NECAB2: variants seen among roughly 807,000 people sequenced by gnomAD.
NECAB2 encodes the protein N-terminal EF-hand calcium binding protein 2.
Under a neutral mutation model 51.9 loss-of-function variants are expected in NECAB2, and 68 were observed. The ratio of observed to expected loss-of-function variants is 1.31; its 90% confidence interval spans 1.08 to 1.60. The LOEUF (loss-of-function observed/expected upper bound fraction) is 1.60, where lower values mean the gene tolerates loss of function less well. Ranked by LOEUF, NECAB2 falls within the 40% of genes most tolerant of loss-of-function variation. The pLI is 0.00. For synonymous variants in NECAB2, 329 were observed against 203.5 expected (o/e 1.62, Z -5.25); for missense variants, 854 against 490.3 (o/e 1.74, Z -7.00).
chr16:83,985,545 A>G lies in NECAB2; in HGVS notation c.459+4418A>G, dbSNP rs539604548. ...CTACTTGGGAGAGTGAGGCAGGAGAATGACTTGAACCCGGGAGGTGGAGGT... is the reference window on the plus strand; with the variant it reads ...CTACTTGGGAGAGTGAGGCAGGAGAGTGACTTGAACCCGGGAGGTGGAGGT... On this transcript the variant is annotated intron_variant, in intron 5 of 12. Coordinates refer to ENST00000305202, the MANE Select transcript of NECAB2 (RefSeq NM_019065.3). Among the ~76,000 whole-genome samples, 34 of 151,240 alleles carry G rather than the reference A, an allele frequency of 2.2e-4. No individual in the cohort carries two copies. In the South Asian group the frequency reaches 4.4e-3, roughly 20 times the overall value.
chr16:83,975,503 A>G (rs2084398935), intron 2 of NECAB2, among the ~76,000 whole-genome samples: 1 of 152,130 alleles, frequency 6.6e-6, no homozygotes, highest in Non-Finnish European at 1.5e-5. Flanking sequence ...GATGGGGTGC[A>G]AACTCAAAGG....
At chr16:83,984,444 CGCTCACGGTG>C (rs991227216) in intron 5 of NECAB2, among the ~76,000 whole-genome samples, 10 of 151,914 alleles carry the variant, frequency 6.6e-5, no homozygotes, top group Admixed American at 5.2e-4. Flanking sequence ...GATCTGCTGC[CGCTCACGGTG>C]GCTCACGCCT....
Position 83,987,599 on chromosome 16 carries a change from T to C in NECAB2, c.460-2895T>C, listed in dbSNP as rs2084572160. Among the ~76,000 whole-genome samples the C allele has an allele frequency of 1.4e-5, 2 of 146,756 alleles. 1 individual carries two copies. Among genetic ancestry groups the C allele is most frequent in the South Asian group, 4.2e-4 (2 of 4,778 alleles). ...GTTCAAAAATCTATTTCCTGCTCTT[T>C]TACCTAATTTTTTAACATTTTCCCT... On this transcript the variant is annotated intron_variant, in intron 5 of 12. Coordinates refer to ENST00000305202, the MANE Select transcript of NECAB2 (RefSeq NM_019065.3).
At chr16:83,997,193 C>T in intron 8 of NECAB2, 23 bp from the exon 9 acceptor site, 1 of 1,614,070 alleles carries the variant, frequency 6.2e-7, no homozygotes, top group Non-Finnish European at 8.5e-7. Context: ...GGTCTAGCAT[C>T]ACTGTGTGCT....
rs751230821 is a variant in NECAB2 at position 83,980,879 on chromosome 16, A to G, written c.361+15A>G. On this transcript the variant is annotated intron_variant, in intron 4 of 12. Transcript: ENST00000305202. Reference sequence around the variant, plus strand: ...GGAGCTGTGTGGTAGGTGCCTGGCTATGCTGGGACCAAGATGGGGATGCTG... The same window carrying G: ...GGAGCTGTGTGGTAGGTGCCTGGCTGTGCTGGGACCAAGATGGGGATGCTG... The G allele has an allele frequency of 2.2e-5, 35 of 1,612,478 alleles. No individual in the cohort carries two copies. In the Admixed American group the frequency reaches 2.7e-4, roughly 12 times the overall value.
At chr16:83,969,678 G>A (rs1283113305) in intron 1 of NECAB2, among the ~76,000 whole-genome samples, 1 of 149,600 alleles carries the variant, frequency 6.7e-6, no homozygotes, top group Non-Finnish European at 1.5e-5. Flanking sequence ...GCGGCTCGGA[G>A]GAGGAGGACT....
At position 83,994,633 on chromosome 16, in the gene NECAB2, G is replaced by A; in HGVS notation, c.740G>A (p.Gly247Asp). 6.2e-7 allele frequency: 1 copy of A among 1,614,182 alleles called. No homozygotes were observed. Among genetic ancestry groups the A allele is most frequent in the Non-Finnish European group, 8.5e-7 (1 of 1,180,048 alleles). Residue 247 changes from glycine to aspartate, a missense_variant, in exon 8 of 13, where the codon GGT becomes GAT. Gly to Asp is a moderately conservative substitution (Grantham distance 94). Transcript: ENST00000305202. The stretch of plus-strand genomic sequence containing the variant: ...GCCACGGAGGATGCAAAGGAAGAGG[G>A]TCTGGAAGCCCAGATCAGCCGCTTG... ...PSATEDAKEE[G>D]LEAQISRLAE...
chr16:83,992,379 C>CCCACCT lies in NECAB2; in HGVS notation c.596+1751_596+1752insACCTCC, dbSNP rs904355034. Among the ~76,000 whole-genome samples, 3 of 143,568 alleles carry CCCACCT rather than the reference C, an allele frequency of 2.1e-5. No homozygotes were observed. In the East Asian group the frequency reaches 6.3e-4, roughly 30 times the overall value. The allele number at this position is 143,568 out of a possible 152,430, so 94.2% of individuals were successfully genotyped here. ...CTCCCGGGGAACACGAGCACCCGTC[C>CCCACCT]CCCCGCCCACCTCCATTTGCTGTTT... On this transcript the variant is annotated intron_variant, in intron 6 of 12. Transcript: ENST00000305202.
chr16:83,980,624 C>G (rs2084474292), intron 3 of NECAB2, among the ~76,000 whole-genome samples: 1 of 152,084 alleles, frequency 6.6e-6, no homozygotes, highest in Non-Finnish European at 1.5e-5. Flanking sequence ...GAAAACAGAA[C>G]AAGGGTGGGT....
intron 10 of NECAB2, among the ~76,000 whole-genome samples, chr16:84,000,438 G>T (rs908971135): frequency 1.3e-5 from 2 of 152,164 alleles, no homozygotes; most frequent in African/African-American, 4.8e-5. Flanking sequence ...TGAAGTGATT[G>T]TGCCACTGCA....
At chr16:84,000,837 CAG>C (rs2084816638) in intron 11 of NECAB2, 36 bp downstream of exon 11, 3 of 1,398,156 alleles carry the variant, frequency 2.1e-6, no homozygotes, top group South Asian at 1.2e-5. Flanking sequence ...GTGAGGGAGA[CAG>C]AGGGAAGTGG....
At chr16:83,992,361 G>A (rs1057071350) in intron 6 of NECAB2, among the ~76,000 whole-genome samples, 14 of 144,202 alleles carry the variant, frequency 9.7e-5, no homozygotes, top group Non-Finnish European at 3.0e-5. Flanking sequence ...CATCTCCCGG[G>A]GAACACGAGC....
At chr16:83,976,335 C>T (rs2084410092) in intron 2 of NECAB2, among the ~76,000 whole-genome samples, 1 of 152,214 alleles carries the variant, frequency 6.6e-6, no homozygotes, top group African/African-American at 2.4e-5. Flanking sequence ...GGCAAGTACC[C>T]TAAGGGCTCT....
upstream of NECAB2, chr16:83,965,906 A>G (rs758953583): frequency 3.1e-6 from 5 of 1,612,684 alleles, no homozygotes; most frequent in African/African-American, 1.3e-5. Context: ...CCTGTACGCC[A>G]TGGGGCCGCT....
At chr16:83,985,173 C>T (rs748958038) in intron 5 of NECAB2, among the ~76,000 whole-genome samples, 9 of 151,204 alleles carry the variant, frequency 6.0e-5, no homozygotes, top group African/African-American at 9.7e-5. Context: ...ATTAGCCGAG[C>T]GTGGTGGCAG....
chr16:83,989,991 C>T lies in NECAB2; in HGVS notation c.460-503C>T, dbSNP rs376562367. ...TAGTAGCAGCCTGGAGATCCAGGAGCCCTAGGAATCCTCCTTGCAGGAGGA... is the reference window on the plus strand; with the variant it reads ...TAGTAGCAGCCTGGAGATCCAGGAGTCCTAGGAATCCTCCTTGCAGGAGGA... On this transcript the variant is annotated intron_variant, in intron 5 of 12. Transcript: ENST00000305202. Among the ~76,000 whole-genome samples the T allele has an allele frequency of 2.1e-4, 32 of 152,242 alleles. 1 individual carries two copies. In the South Asian group the frequency reaches 6.6e-3, roughly 32 times the overall value.
chr16:83,982,572 C>G (rs1462534604), intron 5 of NECAB2, among the ~76,000 whole-genome samples: 2 of 152,202 alleles, frequency 1.3e-5, no homozygotes, highest in African/African-American at 4.8e-5. Flanking sequence ...ATGGAAACCA[C>G]CTCCTTGAGC....
At chr16:83,992,606 G>T (rs989654876) in intron 6 of NECAB2, among the ~76,000 whole-genome samples, 1 of 152,220 alleles carries the variant, frequency 6.6e-6, no homozygotes, top group African/African-American at 2.4e-5. Flanking sequence ...GTTTGATCGT[G>T]TGTTTCTTCG....
At chr16:84,001,097 C>G (rs1043396815) in intron 11 of NECAB2, among the ~76,000 whole-genome samples, 1 of 152,102 alleles carries the variant, frequency 6.6e-6, no homozygotes, top group Non-Finnish European at 1.5e-5. Context: ...GAGGCACTGC[C>G]TTCTTTACCA....
Sources: gnomAD v4.1 joint callset for allele counts (sites outside exome capture counted in the v4.1 genomes callset) on GRCh38, gnomAD v4.1.1 for gene constraint, MANE v1.5 for transcripts, NCBI Gene and HGNC (gene_info 2026-07-23, HGNC 2026-07-21) for gene names.